IKBIP: variants seen among roughly 807,000 people sequenced by gnomAD.
The protein encoded by IKBIP is inhibitor of nuclear factor kappa-B kinase-interacting protein.
In IKBIP, 28 loss-of-function variants were observed where a neutral mutation model predicts 31.0. That is an observed-to-expected ratio of 0.90 (90% CI 0.67 to 1.24). The LOEUF (loss-of-function observed/expected upper bound fraction) is 1.24. Ranked by LOEUF, IKBIP falls within the 50% of genes most tolerant of loss-of-function variation. The probability of loss-of-function intolerance (pLI) is 0.00; values close to 1 mark genes in which losing one functional copy is unlikely to be tolerated. For synonymous variants in IKBIP, 164 were observed against 160.3 expected (o/e 1.02, Z -0.17); for missense variants, 453 against 441.9 (o/e 1.03, Z -0.23).
At chr12:98,613,602 T>C in exon 3 of IKBIP, 1 of 1,501,046 alleles carries the variant, frequency 6.7e-7, no homozygotes, top group Non-Finnish European at 9.0e-7. Context: ...ATATCTGAAA[T>C]GTGTGCTATT....
chr12:98,644,746 A>AG lies in IKBIP; in HGVS notation c.-46dup. The AG allele has an allele frequency of 6.4e-7, 1 of 1,566,734 alleles. No homozygotes were observed. On this transcript the variant is annotated 5_prime_UTR_variant, in exon 1 of 3. Transcript: ENST00000299157. ...ACAAGCCCAGGGCAGCTTCTTCACCAGGGGGAGCAGGACGTGGCCGCCTTG... is the reference window on the plus strand; with the variant it reads ...ACAAGCCCAGGGCAGCTTCTTCACCAGGGGGGAGCAGGACGTGGCCGCCTTG...
At chr12:98,629,242 T>C (rs1165711082) in intron 2 of IKBIP, among the ~76,000 whole-genome samples, 1 of 152,220 alleles carries the variant, frequency 6.6e-6, no homozygotes, top group Non-Finnish European at 1.5e-5. Flanking sequence ...TGAAATGTTG[T>C]TTAAAATTTA....
Position 98,625,346 on chromosome 12 carries a change from AT to A in IKBIP, c.*583del. 2 of 962,636 alleles carry A rather than the reference AT, an allele frequency of 2.1e-6. No homozygotes were observed. Among genetic ancestry groups the A allele is most frequent in the Non-Finnish European group, 2.5e-6 (2 of 809,300 alleles). 59.6% of individuals were successfully genotyped at this position (962,636 alleles called of 1,614,324 possible). A position where few individuals can be genotyped will look rare whatever the true frequency, so the allele number is the denominator to read the frequency against. ...GCTTTAGAGTTTTCAGAAAGTGCATATTAATTCATAGCAAAGGCACCAGGCT... is the reference window on the plus strand; with the variant it reads ...GCTTTAGAGTTTTCAGAAAGTGCATATAATTCATAGCAAAGGCACCAGGCT... On this transcript the variant is annotated 3_prime_UTR_variant, in exon 3 of 3. Transcript: ENST00000299157.
intron 2 of IKBIP, among the ~76,000 whole-genome samples, chr12:98,627,137 T>G (rs2097615276): frequency 6.6e-6 from 1 of 151,724 alleles, no homozygotes; most frequent in Admixed American, 6.6e-5. Flanking sequence ...CCTAGCTAAT[T>G]TTTGTATTTT....
chr12:98,624,571 C>T lies in IKBIP; in HGVS notation c.*1359G>A. On this transcript the variant is annotated 3_prime_UTR_variant, in exon 3 of 3. Transcript: ENST00000299157. ...TCTTTGTGTTTAATTCCATCAAAAACTGCATTATAAAACTGGTAAGGTTAT... is the reference window on the plus strand; with the variant it reads ...TCTTTGTGTTTAATTCCATCAAAAATTGCATTATAAAACTGGTAAGGTTAT... The T allele has an allele frequency of 2.1e-6, 2 of 967,090 alleles. No homozygotes were observed. The highest frequency in any genetic ancestry group is 2.5e-6 in the Non-Finnish European group (2 of 813,276). The allele number at this position is 967,090 out of a possible 1,614,324, so 59.9% of individuals were successfully genotyped here. A position where few individuals can be genotyped will look rare whatever the true frequency, so the allele number is the denominator to read the frequency against.
intron 1 of IKBIP, among the ~76,000 whole-genome samples, chr12:98,639,010 C>T (rs2097628222): frequency 6.6e-6 from 1 of 152,150 alleles, no homozygotes; most frequent in African/African-American, 2.4e-5. Context: ...AGCCATAGCA[C>T]ATCAGCTATT....
chr12:98,639,186 G>A (rs1035269153), intron 1 of IKBIP, among the ~76,000 whole-genome samples: 1 of 152,058 alleles, frequency 6.6e-6, no homozygotes, highest in African/African-American at 2.4e-5. Context: ...GATTACAGGT[G>A]CCCATCAACA....
chr12:98,637,193 T>C (rs2097626461), intron 1 of IKBIP, among the ~76,000 whole-genome samples: 1 of 151,818 alleles, frequency 6.6e-6, no homozygotes, highest in Non-Finnish European at 1.5e-5. Context: ...ATTAGCCTCT[T>C]ACTAAAATAA....
chr12:98,631,342 G>A (rs1355909846), intron 2 of IKBIP, among the ~76,000 whole-genome samples: 2 of 151,300 alleles, frequency 1.3e-5, no homozygotes, highest in Non-Finnish European at 2.9e-5. Context: ...GTGCAGTGGT[G>A]CAATCTCGGC....
chr12:98,636,214 A>G (rs555371482), intron 1 of IKBIP, among the ~76,000 whole-genome samples: 1 of 152,332 alleles, frequency 6.6e-6, no homozygotes. Context: ...ACATATTGTA[A>G]TAACCTGGCA....
At chr12:98,618,760 T>C (rs2097607894) in intron 2 of IKBIP, among the ~76,000 whole-genome samples, 1 of 152,230 alleles carries the variant, frequency 6.6e-6, no homozygotes, top group Non-Finnish European at 1.5e-5. Context: ...GAATTATCTT[T>C]CTTAAATTGT....
chr12:98,625,214 T>A lies in IKBIP; in HGVS notation c.*716A>T. On this transcript the variant is annotated 3_prime_UTR_variant, in exon 3 of 3. Coordinates refer to ENST00000299157, the MANE Select transcript of IKBIP (RefSeq NM_153687.4). ...ATTTCAAAGATTTATATACACATAA[T>A]TCCTAAGAAAGGCCTTATGTAAGAA... is the stretch of plus-strand genomic sequence containing the variant. The A allele has an allele frequency of 1.0e-6, 1 of 977,742 alleles. No individual in the cohort carries two copies. The highest frequency in any genetic ancestry group is 4.7e-5 in the South Asian group (1 of 21,112). The allele number at this position is 977,742 out of a possible 1,614,324, so 60.6% of individuals were successfully genotyped here.
At chr12:98,629,097 T>C (rs1037550533) in intron 2 of IKBIP, among the ~76,000 whole-genome samples, 8 of 152,214 alleles carry the variant, frequency 5.3e-5, no homozygotes, top group Admixed American at 5.2e-4. Context: ...CCATGTCTTA[T>C]GCCTCTGTGT....
chr12:98,625,164 A>G lies in IKBIP; in HGVS notation c.*766T>C, dbSNP rs1214620973. On this transcript the variant is annotated 3_prime_UTR_variant, in exon 3 of 3. Coordinates refer to ENST00000299157, the MANE Select transcript of IKBIP (RefSeq NM_153687.4). The stretch of plus-strand genomic sequence containing the variant: ...CAAACTCATGTCTAACACAGTTGGA[A>G]CCTAAAACTCAGGTATATAAAGATA... 2.0e-6 allele frequency: 2 copies of G among 985,118 alleles called. No homozygotes were observed. The highest frequency in any genetic ancestry group is 1.7e-5 in the African/African-American group (1 of 57,240). The allele number at this position is 985,118 out of a possible 1,614,324, so 61.0% of individuals were successfully genotyped here.
At chr12:98,620,007 C>T (rs1017677715), downstream of IKBIP, among the ~76,000 whole-genome samples, 8 of 151,304 alleles carry the variant, frequency 5.3e-5, no homozygotes, top group South Asian at 8.3e-4. Flanking sequence ...CAACCTCTGC[C>T]GCCTGAGTTC....
chr12:98,627,035 C>T (rs376030497), intron 2 of IKBIP, among the ~76,000 whole-genome samples: 1 of 152,224 alleles, frequency 6.6e-6, no homozygotes, highest in African/African-American at 2.4e-5. Context: ...GTGGAGCAAC[C>T]TCAGCTCACT....
chr12:98,613,996 TA>T lies in IKBIP; in HGVS notation c.641del (p.Ile214LysfsTer33). On this transcript the variant is annotated frameshift_variant, in exon 3 of 3. Transcript: ENST00000342502. LOFTEE classifies it high-confidence loss of function. ...CAATACTGCTTGAAAGAAGATCACC[TA>T]TATTTTTTACTGTATTTTTTTCTAC... The T allele has an allele frequency of 6.2e-7, 1 of 1,610,486 alleles. No individual in the cohort carries two copies. The highest frequency in any genetic ancestry group is 8.5e-7 in the Non-Finnish European group (1 of 1,178,498).
chr12:98,642,166 G>C (rs1473717918), intron 1 of IKBIP, among the ~76,000 whole-genome samples: 3 of 152,138 alleles, frequency 2.0e-5, no homozygotes, highest in Non-Finnish European at 4.4e-5. Flanking sequence ...AAACACAAAA[G>C]GTTACTTATT....
chr12:98,644,522 C>T lies in IKBIP; in HGVS notation c.179+1G>A, dbSNP rs1282597304. ...GCCCAGGCAGCCTCGCGTCCACTTA[C>T]CAGGCCAGGCCCAGGCACGTCCCCA... is the stretch of plus-strand genomic sequence containing the variant. On this transcript the variant is annotated splice_donor_variant, in intron 1 of 2. Transcript: ENST00000299157. LOFTEE classifies it high-confidence loss of function. 6.3e-7 allele frequency: 1 copy of T among 1,593,820 alleles called. No individual in the cohort carries two copies. Among genetic ancestry groups the T allele is most frequent in the Admixed American group, 1.7e-5 (1 of 57,344 alleles).
Sources: allele counts gnomAD v4.1 joint callset (sites outside exome capture counted in the v4.1 genomes callset), GRCh38; gene constraint gnomAD v4.1.1; transcripts MANE v1.5; gene names NCBI Gene and HGNC (gene_info 2026-07-23, HGNC 2026-07-21).